RAPGEF4: variants seen among roughly 807,000 people sequenced by gnomAD.
RAPGEF4 encodes RAP guanine-nucleotide-exchange factor (GEF) 4.
RAPGEF4 carries 66 observed loss-of-function variants against 147.9 expected under a neutral mutation model. That is an observed-to-expected ratio of 0.45 (90% CI 0.37 to 0.55). The LOEUF (loss-of-function observed/expected upper bound fraction) is 0.55. Among genes scored for constraint, RAPGEF4 ranks in the 20% least tolerant of loss-of-function variants. RAPGEF4 has a pLI of 0.00. For synonymous variants in RAPGEF4, 419 were observed against 442.7 expected (o/e 0.95, Z 0.67); for missense variants, 1,071 against 1,257.3 (o/e 0.85, Z 2.24).
At chr2:172,852,604 T>C (rs1174556185) in intron 4 of RAPGEF4, among the ~76,000 whole-genome samples, 3 of 152,164 alleles carry the variant, frequency 2.0e-5, no homozygotes, top group African/African-American at 7.2e-5. Context: ...TACTTCTTTC[T>C]TTCTAATCTT....
At chr2:173,016,865 C>T (rs1372868433) in intron 19 of RAPGEF4, among the ~76,000 whole-genome samples, 1 of 152,180 alleles carries the variant, frequency 6.6e-6, no homozygotes, top group East Asian at 1.9e-4. Flanking sequence ...TTTTCACATG[C>T]TATTACTTGA....
rs576568459 is a variant in RAPGEF4, at chr2:172,763,628, C to CA, written c.65+27581dup. On this transcript the variant is annotated intron_variant, in intron 1 of 30. Transcript: ENST00000397081. ...TATTTCCTGGTTTCAAGAAGCCCCCCATGTAGCCAGGAACATGTACATGAA... is the reference window on the plus strand; with the variant it reads ...TATTTCCTGGTTTCAAGAAGCCCCCCAATGTAGCCAGGAACATGTACATGAA... 2.3e-4 allele frequency among the ~76,000 whole-genome samples: 35 copies of CA among 152,258 alleles called. No homozygotes were observed. In the East Asian group the frequency reaches 6.8e-3, roughly 29 times the overall value.
At chr2:172,942,040 A>G (rs1326497048) in intron 6 of RAPGEF4, among the ~76,000 whole-genome samples, 2 of 151,902 alleles carry the variant, frequency 1.3e-5, no homozygotes, top group African/African-American at 2.4e-5. Flanking sequence ...AATAATAATT[A>G]CAGATATTTA....
chr2:172,992,653 G>C (rs1378822454), intron 15 of RAPGEF4, among the ~76,000 whole-genome samples: 2 of 152,284 alleles, frequency 1.3e-5, no homozygotes, highest in South Asian at 2.1e-4. Flanking sequence ...AAACTAAAAG[G>C]AATGGAAAAG....
intron 4 of RAPGEF4, among the ~76,000 whole-genome samples, chr2:172,893,501 G>T (rs560379163): frequency 5.3e-4 from 80 of 152,296 alleles, no homozygotes; most frequent in African/African-American, 1.9e-3. Context: ...TGGCTGCCCC[G>T]AATCATGGGA....
intron 1 of RAPGEF4, among the ~76,000 whole-genome samples, chr2:172,787,622 T>TATTTATTC (rs1467137755): frequency 6.6e-6 from 1 of 151,536 alleles, no homozygotes; most frequent in East Asian, 1.9e-4. Context: ...TTTATTTATT[T>TATTTATTC]ATTTATTTAT....
chr2:173,007,339 G>A (rs1388640956), intron 17 of RAPGEF4, among the ~76,000 whole-genome samples: 2 of 152,208 alleles, frequency 1.3e-5, no homozygotes, highest in Admixed American at 6.5e-5. Context: ...TGGGAGATAT[G>A]TAAAGAAATT....
intron 8 of RAPGEF4, among the ~76,000 whole-genome samples, chr2:172,962,620 G>A (rs1689411939): frequency 6.6e-6 from 1 of 151,722 alleles, no homozygotes; most frequent in Non-Finnish European, 1.5e-5. Context: ...CTTGCATTTG[G>A]CATGAATATG....
intron 17 of RAPGEF4, among the ~76,000 whole-genome samples, chr2:173,008,476 T>A (rs916426355): frequency 2.0e-5 from 3 of 152,226 alleles, no homozygotes; most frequent in African/African-American, 7.2e-5. Flanking sequence ...AAAAGCTTTG[T>A]CTTGTCAGTG....
intron 4 of RAPGEF4, among the ~76,000 whole-genome samples, chr2:172,851,444 C>T (rs72906197): frequency 0.075 from 11,365 of 152,006 alleles, 465 homozygotes; most frequent in South Asian, 0.13. Context: ...TGTAGCTGTC[C>T]GTTAGGCCTA....
At chr2:173,050,250 G>A (rs2106103284) in intron 30 of RAPGEF4, among the ~76,000 whole-genome samples, 1 of 152,336 alleles carries the variant, frequency 6.6e-6, no homozygotes, top group South Asian at 2.1e-4. Flanking sequence ...CTGTGGGAAT[G>A]TGTACAATGT....
chr2:173,029,118 G>A (rs1696937502), intron 25 of RAPGEF4, among the ~76,000 whole-genome samples: 1 of 152,152 alleles, frequency 6.6e-6, no homozygotes, highest in African/African-American at 2.4e-5. Flanking sequence ...CATTGTCCCA[G>A]CACACCAAAG....
In RAPGEF4 at chr2:172,946,074, G is replaced by T. The variant is rs1016313057; in HGVS notation, c.538-14686G>T. ...CTAGCAAATCATTAAAAACTTAAAG[G>T]CACATTGACAAAAAAAATGTTAAAT... is the stretch of plus-strand genomic sequence containing the variant. On this transcript the variant is annotated intron_variant, in intron 6 of 30. Coordinates refer to ENST00000397081, the MANE Select transcript of RAPGEF4 (RefSeq NM_007023.4). Among the ~76,000 whole-genome samples, 14 of 132,008 alleles carry T rather than the reference G, an allele frequency of 1.1e-4. 1 individual carries two copies. The highest frequency in any genetic ancestry group is 2.6e-4 in the South Asian group (1 of 3,812). The allele number at this position is 132,008 out of a possible 152,430, so 86.6% of individuals were successfully genotyped here.
At chr2:172,787,195 G>C (rs1303097676) in intron 1 of RAPGEF4, among the ~76,000 whole-genome samples, 1 of 152,064 alleles carries the variant, frequency 6.6e-6, no homozygotes, top group African/African-American at 2.4e-5. Flanking sequence ...CTGGGGGACA[G>C]AGTGAGACTC....
intron 1 of RAPGEF4, among the ~76,000 whole-genome samples, chr2:172,738,714 AC>A (rs1186087908): frequency 6.6e-6 from 1 of 152,196 alleles, no homozygotes; most frequent in African/African-American, 2.4e-5. Flanking sequence ...ATGTGGGTTC[AC>A]TTGGGAATAT....
rs551702226 is a variant in RAPGEF4 at position 172,889,930 on chromosome 2, A to T, written c.445-27872A>T. 8.2e-5 allele frequency: 43 copies of T among 522,534 alleles called. No individual in the cohort carries two copies. The South Asian group carries it at 2.1e-3, about 26-fold the overall frequency. 32.4% of individuals were successfully genotyped at this position (522,534 alleles called of 1,614,324 possible). A position where few individuals can be genotyped will look rare whatever the true frequency, so the allele number is the denominator to read the frequency against. On this transcript the variant is annotated intron_variant, in intron 4 of 30. Coordinates refer to ENST00000397081, the MANE Select transcript of RAPGEF4 (RefSeq NM_007023.4). ...GGGTTTTATCTACCAGCGTCTGGGA[A>T]TGTTTCGTGATGTGCTGGGTTTATT...
intron 4 of RAPGEF4, among the ~76,000 whole-genome samples, chr2:172,825,186 G>A (rs954510608): frequency 1.3e-5 from 2 of 152,204 alleles, no homozygotes; most frequent in South Asian, 2.1e-4. Flanking sequence ...CCATAGCTTA[G>A]CCTATCCCAC....
chr2:172,969,073 A>T (rs1256781264), intron 10 of RAPGEF4, among the ~76,000 whole-genome samples: 1 of 152,238 alleles, frequency 6.6e-6, no homozygotes. Context: ...GGCAGTGGCT[A>T]GGACCAAGGG....
chr2:172,868,225 ATGTTTT>A (rs2149800200), intron 4 of RAPGEF4, among the ~76,000 whole-genome samples: 1 of 152,364 alleles, frequency 6.6e-6, no homozygotes, highest in South Asian at 2.1e-4. Context: ...CATGAATTAA[ATGTTTT>A]TGATCAATAT....
Sources: allele counts gnomAD v4.1 joint callset (sites outside exome capture counted in the v4.1 genomes callset), GRCh38; gene constraint gnomAD v4.1.1; transcripts MANE v1.5; gene names NCBI Gene and HGNC (gene_info 2026-07-23, HGNC 2026-07-21).